The following ODAD1 variants were observed in gnomAD, a reference collection of about 807,000 sequenced individuals.
ODAD1 encodes the protein outer dynein arm docking complex subunit 1, also known as outer dynein arm-docking complex subunit 1.
A neutral mutation model predicts 67.2 loss-of-function variants in ODAD1; 49 were observed. The observed-to-expected ratio is 0.73, with a 90% CI of 0.58 to 0.92. The LOEUF (loss-of-function observed/expected upper bound fraction) is 0.92. Ranked by LOEUF, ODAD1 falls within the 40% of genes least tolerant of loss-of-function variation. ODAD1 has a pLI of 0.00. For missense variants in ODAD1, 897 were observed against 953.7 expected, an observed-to-expected ratio of 0.94 and a Z score of 0.78; for synonymous variants, 345 against 393.7, an observed-to-expected ratio of 0.88 and a Z score of 1.46.
rs74722451 is a variant in ODAD1, at chr19:48,297,450, G to A, written c.1650C>T (p.Asp550=). The A allele has an allele frequency of 1.6e-4, 259 of 1,602,242 alleles. No homozygotes were observed. The African/African-American group carries it at 2.4e-3, about 15-fold the overall frequency. ...KDLAAAAAKL[D]GTLSVDLAST... is the part of the protein sequence containing the mutation. Reference sequence around the variant, plus strand: ...TGGCCAGGTCCACGCTCAGGGTGCCGTCCAGCTTCGCGGCGGCGGCGGCCA... The same window carrying A: ...TGGCCAGGTCCACGCTCAGGGTGCCATCCAGCTTCGCGGCGGCGGCGGCCA... The change falls in exon 16 of 16, where the codon GAC becomes GAT. Residue 550 remains aspartate, a synonymous_variant. Transcript: ENST00000674294.
At chr19:48,303,812 C>T in intron 9 of ODAD1, 28 bp from the exon 10 acceptor site, 1 of 1,590,222 alleles carries the variant, frequency 6.3e-7, no homozygotes, top group Non-Finnish European at 8.6e-7. Context: ...AGCAGGTCGG[C>T]CTCCTGGGTG....
chr19:48,313,652 G>T (rs113792316), intron 5 of ODAD1, among the ~76,000 whole-genome samples: 102 of 151,802 alleles, frequency 6.7e-4, no homozygotes, highest in African/African-American at 2.3e-3. Context: ...GAAGGCTGAG[G>T]CAGGATGATC....
At chr19:48,313,637 C>G (rs1282030385) in intron 5 of ODAD1, among the ~76,000 whole-genome samples, 1 of 151,524 alleles carries the variant, frequency 6.6e-6, no homozygotes, top group Admixed American at 6.6e-5. Flanking sequence ...AATCCCAATA[C>G]TTTGGAAGGC....
At position 48,307,045 on chromosome 19, in the gene ODAD1, G is replaced by A. The variant is rs190991932; in HGVS notation, c.598-722C>T. On this transcript the variant is annotated intron_variant, in intron 7 of 15. Coordinates refer to ENST00000674294, the MANE Select transcript of ODAD1 (RefSeq NM_001364171.2). Reference sequence around the variant, plus strand: ...TAAAAATACAAAAAATTAACCAGGCGTGGTGGTGCATGCCTGTAATCCCAG... The same window carrying A: ...TAAAAATACAAAAAATTAACCAGGCATGGTGGTGCATGCCTGTAATCCCAG... Among the ~76,000 whole-genome samples, 194 of 152,234 alleles carry A rather than the reference G, an allele frequency of 1.3e-3. 1 individual carries two copies. Among genetic ancestry groups the A allele is most frequent in the Non-Finnish European group, 2.4e-3 (161 of 68,022 alleles).
chr19:48,299,301 C>T lies in ODAD1; in HGVS notation c.1241-961G>A, dbSNP rs547142025. Among the ~76,000 whole-genome samples the T allele has an allele frequency of 4.6e-5, 7 of 152,256 alleles. 1 individual carries two copies. The South Asian group carries it at 1.5e-3, about 32-fold the overall frequency. On this transcript the variant is annotated intron_variant, in intron 12 of 15. Coordinates refer to ENST00000674294, the MANE Select transcript of ODAD1 (RefSeq NM_001364171.2). ...TAGTGCAGGCCTGTAATCCCAGTTA[C>T]TGGAGAGGCTGAGGCAGGAGAATTG...
At chr19:48,311,516 G>T (rs1048594354) in intron 7 of ODAD1, 37 bp downstream of exon 7, 1 of 1,225,142 alleles carries the variant, frequency 8.2e-7, no homozygotes, top group Non-Finnish European at 1.2e-6. Context: ...CTGCGCAGGG[G>T]TCCCTGTCTC....
chr19:48,311,499 G>A (rs1286006056), intron 7 of ODAD1, 54 bp downstream of exon 7: 19 of 1,008,162 alleles, frequency 1.9e-5, no homozygotes, highest in Non-Finnish European at 2.9e-5. Context: ...ACAGCTGTGG[G>A]GAGGACCTGC....
chr19:48,296,714 GAC>G lies in ODAD1; in HGVS notation c.*260_*261del, dbSNP rs1968290518. On this transcript the variant is annotated 3_prime_UTR_variant, in exon 16 of 16. Coordinates refer to ENST00000674294, the MANE Select transcript of ODAD1 (RefSeq NM_001364171.2). The stretch of plus-strand genomic sequence containing the variant: ...AAGGGGCAGATATGGAGACAAGACG[GAC>G]AGACACTGACCAGGAAGCCCAGAGA... 6 of 1,294,824 alleles carry G rather than the reference GAC, an allele frequency of 4.6e-6. No homozygotes were observed. The highest frequency in any genetic ancestry group is 4.0e-6 in the Non-Finnish European group (4 of 1,010,398). The allele number at this position is 1,294,824 out of a possible 1,614,324, so 80.2% of individuals were successfully genotyped here.
At position 48,320,285 on chromosome 19, in the gene ODAD1, A is replaced by G; in HGVS notation, c.70+14T>C. 7.9e-7 allele frequency: 1 copy of G among 1,261,460 alleles called. No homozygotes were observed. Among genetic ancestry groups the G allele is most frequent in the East Asian group, 5.6e-5 (1 of 17,816 alleles). The allele number at this position is 1,261,460 out of a possible 1,614,324, so 78.1% of individuals were successfully genotyped here. A position where few individuals can be genotyped will look rare whatever the true frequency, so the allele number is the denominator to read the frequency against. Reference sequence around the variant, plus strand: ...AAAAGAATGGGTGAATGATATAAAGAATGAATGAATTACCCATTCCCTCCA... The same window carrying G: ...AAAAGAATGGGTGAATGATATAAAGGATGAATGAATTACCCATTCCCTCCA... On this transcript the variant is annotated intron_variant, in intron 3 of 15. Transcript: ENST00000674294.
chr19:48,299,944 G>C (rs1968415505), intron 12 of ODAD1, among the ~76,000 whole-genome samples: 1 of 150,390 alleles, frequency 6.6e-6, no homozygotes, highest in Non-Finnish European at 1.5e-5. Context: ...GGGAGTCCAA[G>C]ACAGGAGGAT....
Position 48,297,487 on chromosome 19 carries a change from C to G in ODAD1, c.1613G>C (p.Arg538Pro), listed in dbSNP as rs749435831. The G allele has an allele frequency of 1.2e-5, 20 of 1,602,974 alleles. No individual in the cohort carries two copies. Among genetic ancestry groups the G allele is most frequent in the Non-Finnish European group, 1.6e-5 (19 of 1,176,878 alleles). ...GGCGGCGGCGGCCAGGTCCTTCTGG[C>G]GCTGCGCCTCCGCCTGCTCCTGGAG... ...VELQEQAEAQ[R>P]QKDLAAAAAK... The change falls in exon 16 of 16, where the codon CGC (arginine) becomes CCC (proline). Residue 538 changes from arginine to proline, a missense_variant. Transcript: ENST00000674294.
At chr19:48,308,107 G>T (rs1968664547) in intron 7 of ODAD1, among the ~76,000 whole-genome samples, 1 of 151,990 alleles carries the variant, frequency 6.6e-6, no homozygotes, top group African/African-American at 2.4e-5. Context: ...CATCTATAAA[G>T]TCAGAATACA....
chr19:48,308,398 A>T (rs950877280), intron 7 of ODAD1, among the ~76,000 whole-genome samples: 3 of 151,140 alleles, frequency 2.0e-5, no homozygotes, highest in South Asian at 4.2e-4. Context: ...CTGGTCTCGA[A>T]CTCCTGACCT....
intron 5 of ODAD1, among the ~76,000 whole-genome samples, chr19:48,314,905 C>G (rs1968859387): frequency 6.6e-6 from 1 of 151,668 alleles, no homozygotes; most frequent in African/African-American, 2.4e-5. Context: ...GAGATTGCAC[C>G]ACTGCACTCC....
At position 48,315,231 on chromosome 19, in the gene ODAD1, G is replaced by A. The variant is rs145475889; in HGVS notation, c.361-3115C>T. Among the ~76,000 whole-genome samples the A allele has an allele frequency of 2.4e-3, 359 of 152,066 alleles. 1 individual carries two copies. The highest frequency in any genetic ancestry group is 7.9e-3 in the African/African-American group (329 of 41,526). ...CTTTATGAAAGAAGAGATGACATAC[G>A]GTAAAACTGCACATATTTAGTGTTC... is the stretch of plus-strand genomic sequence containing the variant. On this transcript the variant is annotated intron_variant, in intron 5 of 15. Coordinates refer to ENST00000674294, the MANE Select transcript of ODAD1 (RefSeq NM_001364171.2).
intron 5 of ODAD1, among the ~76,000 whole-genome samples, chr19:48,316,497 C>G (rs1019158491): frequency 6.6e-6 from 1 of 152,170 alleles, no homozygotes; most frequent in Non-Finnish European, 1.5e-5. Flanking sequence ...TCCCGCAACA[C>G]TTGGTATGGA....
At chr19:48,306,228 G>A (rs1202424476) in intron 8 of ODAD1, 28 bp downstream of exon 8, 5 of 1,550,820 alleles carry the variant, frequency 3.2e-6, no homozygotes, top group South Asian at 1.2e-5. Flanking sequence ...TCTGGGTCCC[G>A]CCATCCCAGG....
chr19:48,301,767 T>C (rs528160786), intron 12 of ODAD1, among the ~76,000 whole-genome samples: 11 of 149,534 alleles, frequency 7.4e-5, no homozygotes, highest in African/African-American at 2.7e-4. Context: ...GTTGGAGGGA[T>C]AGACCCTGCA....
At position 48,321,919 on chromosome 19, in the gene ODAD1, G is replaced by A. The variant is rs1969037644; in HGVS notation, c.-305C>T. ...CGCAAGCGCGACCAACGGCTTCCCG[G>A]GAAGCAGCCAAAAACGCTTGGCCGC... On this transcript the variant is annotated 5_prime_UTR_variant, in exon 1 of 16. Transcript: ENST00000674294. 2 of 397,494 alleles carry A rather than the reference G, an allele frequency of 5.0e-6. No homozygotes were observed. The highest frequency in any genetic ancestry group is 1.3e-4 in the South Asian group (1 of 7,820). The allele number at this position is 397,494 out of a possible 1,614,324, so 24.6% of individuals were successfully genotyped here. A position where few individuals can be genotyped will look rare whatever the true frequency, so the allele number is the denominator to read the frequency against.
Sources: gnomAD v4.1 joint callset for allele counts (sites outside exome capture counted in the v4.1 genomes callset) on GRCh38, gnomAD v4.1.1 for gene constraint, MANE v1.5 for transcripts, NCBI Gene and HGNC (gene_info 2026-07-23, HGNC 2026-07-21) for gene names.